Variants in HELQ observed in about 807,000 individuals in gnomAD.
HELQ encodes the protein helicase, POLQ like.
A neutral mutation model predicts 111.6 loss-of-function variants in HELQ; 77 were observed. That is an observed-to-expected ratio of 0.69 (90% CI 0.57 to 0.83). The LOEUF (loss-of-function observed/expected upper bound fraction) is 0.83. Ranked by LOEUF, HELQ falls within the 40% of genes least tolerant of loss-of-function variation. The probability of loss-of-function intolerance (pLI) is 0.00; values close to 1 mark genes in which losing one functional copy is unlikely to be tolerated. For synonymous variants in HELQ, 438 were observed against 454.7 expected, an observed-to-expected ratio of 0.96 and a Z score of 0.47; for missense variants, 1,200 against 1,288.5, an observed-to-expected ratio of 0.93 and a Z score of 1.05.
chr4:83,450,909 T>C (rs958490571), intron 2 of HELQ, among the ~76,000 whole-genome samples: 13 of 152,268 alleles, frequency 8.5e-5, no homozygotes, highest in Admixed American at 7.8e-4. Context: ...GACGCTGTAG[T>C]GAGCCACGAT....
chr4:83,453,426 T>C lies in HELQ; in HGVS notation c.817A>G (p.Met273Val), dbSNP rs770607753. ...GTCTGGGCCTTCGCATTTCCAGTCA[T>C]GGCATTTTTTAGATGATCTTTAATA... ...KSIKDHLKNA[M>V]TGNAKAQTPI... The change falls in exon 2 of 18, where the codon ATG (methionine) becomes GTG (valine). Residue 273 changes from methionine to valine, a missense_variant. Met to Val is a conservative substitution (Grantham distance 21, BLOSUM62 1). Transcript: ENST00000295488. 8 of 1,603,258 alleles carry C rather than the reference T, an allele frequency of 5.0e-6. No individual in the cohort carries two copies. Among genetic ancestry groups the C allele is most frequent in the East Asian group, 2.2e-5 (1 of 44,804 alleles).
intron 10 of HELQ, 95 bp from the exon 11 acceptor site, chr4:83,431,863 G>C: frequency 1.8e-6 from 1 of 558,090 alleles, no homozygotes; most frequent in East Asian, 3.5e-5. Flanking sequence ...ATCTTGTGGA[G>C]CCAGAAGGAG....
At chr4:83,426,863 G>A (rs548713470) in intron 13 of HELQ, among the ~76,000 whole-genome samples, 412 of 152,314 alleles carry the variant, frequency 2.7e-3, no homozygotes, top group Admixed American at 4.4e-3. Context: ...ACCACATGCA[G>A]CCCTAATATA....
intron 15 of HELQ, among the ~76,000 whole-genome samples, chr4:83,419,191 A>C (rs867816297): frequency 4.7e-5 from 7 of 147,420 alleles, no homozygotes; most frequent in Non-Finnish European, 1.0e-4. Flanking sequence ...CTAGCTCATA[A>C]GCTATTGTTA....
At chr4:83,432,306 G>A in intron 9 of HELQ, 39 bp from the exon 10 acceptor site, 1 of 1,411,718 alleles carries the variant, frequency 7.1e-7, no homozygotes, top group Non-Finnish European at 9.3e-7. Flanking sequence ...ACAGCAAACA[G>A]CACCAATTTA....
chr4:83,429,611 G>A lies in HELQ; in HGVS notation c.2431C>T (p.Leu811Phe). ...TTATAAATAGTGTCTTTTTGTAGGA[G>A]TCCTTTTTCTGTCAGGTATCTAAGT... ...ESLRYLTEKGLLQKDTIYKSE... is the reference protein window; with the variant it reads ...ESLRYLTEKGFLQKDTIYKSE... The change falls in exon 12 of 18, where the codon CTC (leucine) becomes TTC (phenylalanine). Residue 811 changes from leucine to phenylalanine, a missense_variant. Physicochemically the swap from Leu to Phe is conservative, Grantham distance 22 (BLOSUM62 0). This residue lies in a region of HELQ where 585 missense variants were observed against 665.3 expected (regional missense o/e 0.88). Coordinates refer to ENST00000295488, the MANE Select transcript of HELQ (RefSeq NM_133636.5). The A allele has an allele frequency of 6.2e-7, 1 of 1,612,476 alleles. No individual in the cohort carries two copies. The highest frequency in any genetic ancestry group is 8.5e-7 in the Non-Finnish European group (1 of 1,178,784).
Position 83,443,586 on chromosome 4 carries a change from T to G in HELQ, c.1494A>C (p.Ala498=). The G allele has an allele frequency of 1.3e-6, 2 of 1,582,532 alleles. No individual in the cohort carries two copies. The highest frequency in any genetic ancestry group is 1.1e-5 in the South Asian group (1 of 88,584). The change falls in exon 6 of 18, where the codon GCA becomes GCC. Residue 498 remains alanine (A), a synonymous_variant. Transcript: ENST00000295488. ...SKTTQIIGMS[A]TLNNVEDLQK... is the part of the protein sequence containing the mutation. ...GTAGGTCTTCAACATTGTTTAATGT[T>G]GCACTCATACCAATAATTTGAGTCG... is the stretch of plus-strand genomic sequence containing the variant.
chr4:83,429,803 A>T, intron 11 of HELQ, 57 bp from the exon 12 acceptor site: 4 of 1,030,202 alleles, frequency 3.9e-6, no homozygotes, highest in Admixed American at 2.2e-5. Flanking sequence ...CATCACCTTG[A>T]ATGCATATTA....
chr4:83,430,392 C>T (rs1355664606), intron 11 of HELQ, among the ~76,000 whole-genome samples: 3 of 152,100 alleles, frequency 2.0e-5, no homozygotes, highest in Admixed American at 2.0e-4. Flanking sequence ...AATAGTTGAT[C>T]TCTACCTATT....
chr4:83,442,986 C>T (rs1228228646), intron 6 of HELQ, among the ~76,000 whole-genome samples: 1 of 152,116 alleles, frequency 6.6e-6, no homozygotes, highest in African/African-American at 2.4e-5. Flanking sequence ...ACATTACAAG[C>T]TATTTTCAAA....
At position 83,421,606 on chromosome 4, in the gene HELQ, G is replaced by A. The variant is rs762361423; in HGVS notation, c.2906C>T (p.Thr969Ile). 5.0e-6 allele frequency: 8 copies of A among 1,613,530 alleles called. No homozygotes were observed. The East Asian group carries it at 1.8e-4, about 36-fold the overall frequency. Reference sequence around the variant, plus strand: ...ACAAGATGAGAATGAGGCAGTTCCAGTGAGAAGATTTTGTATATATCCTCG... The same window carrying A: ...ACAAGATGAGAATGAGGCAGTTCCAATGAGAAGATTTTGTATATATCCTCG... ...MPRGYIQNLLTGTASFSSCVL... is the reference protein window; with the variant it reads ...MPRGYIQNLLIGTASFSSCVL... Residue 969 changes from threonine (T) to isoleucine (I), a missense_variant, in exon 15 of 18, where the codon ACT (threonine) becomes ATT (isoleucine). Physicochemically the swap from Thr to Ile is moderately conservative, Grantham distance 89. Coordinates refer to ENST00000295488, the MANE Select transcript of HELQ (RefSeq NM_133636.5).
chr4:83,424,275 T>C (rs961927662), intron 14 of HELQ, among the ~76,000 whole-genome samples: 11 of 152,216 alleles, frequency 7.2e-5, no homozygotes, highest in African/African-American at 2.7e-4. Flanking sequence ...AATGATATTG[T>C]TTTTATTTTA....
At chr4:83,416,124 T>C (rs567500239) in intron 17 of HELQ, among the ~76,000 whole-genome samples, 1 of 150,572 alleles carries the variant, frequency 6.6e-6, no homozygotes, top group Non-Finnish European at 1.5e-5. Flanking sequence ...ATTTTTGTAT[T>C]TTTAGTGGAG....
In HELQ at chr4:83,455,798, T is replaced by C. The variant is rs1228523872; in HGVS notation, c.-105A>G. On this transcript the variant is annotated 5_prime_UTR_variant, in exon 1 of 18. Transcript: ENST00000295488. ...CCGGAGCCCGCTTCTACATCCACCT[T>C]GGGAAAAGACCCCAAGTTAGCTCTC... 3.4e-6 allele frequency: 4 copies of C among 1,163,230 alleles called. No individual in the cohort carries two copies. The highest frequency in any genetic ancestry group is 4.9e-6 in the Non-Finnish European group (4 of 816,042). 72.1% of individuals were successfully genotyped at this position (1,163,230 alleles called of 1,614,324 possible). A position where few individuals can be genotyped will look rare whatever the true frequency, so the allele number is the denominator to read the frequency against.
At chr4:83,434,664 A>C (rs1166983285) in intron 9 of HELQ, among the ~76,000 whole-genome samples, 3 of 151,874 alleles carry the variant, frequency 2.0e-5, no homozygotes, top group African/African-American at 7.3e-5. Flanking sequence ...AGGTCTTGCT[A>C]TGTTGTCCAG....
chr4:83,445,403 C>T (rs1352613294), intron 5 of HELQ, among the ~76,000 whole-genome samples: 2 of 152,014 alleles, frequency 1.3e-5, no homozygotes, highest in South Asian at 2.1e-4. Context: ...TTTTTAAATA[C>T]TTTTTAAGAT....
chr4:83,446,244 G>A (rs189579291), intron 4 of HELQ, among the ~76,000 whole-genome samples, 158 bp from the exon 5 acceptor site: 1 of 152,154 alleles, frequency 6.6e-6, no homozygotes, highest in Admixed American at 6.5e-5. Flanking sequence ...TTATTTCACT[G>A]GTATTTAGGT....
At chr4:83,433,943 T>G (rs191848057) in intron 9 of HELQ, among the ~76,000 whole-genome samples, 129 of 133,956 alleles carry the variant, frequency 9.6e-4, no homozygotes, top group Non-Finnish European at 1.2e-3. Context: ...ATCATGCCAC[T>G]GCACTCCAAC....
chr4:83,444,441 C>T (rs1720945178), intron 5 of HELQ, among the ~76,000 whole-genome samples: 1 of 152,056 alleles, frequency 6.6e-6, no homozygotes, highest in South Asian at 2.1e-4. Flanking sequence ...AGTGCAGTGG[C>T]ATGATCTCGG....
Sources: allele counts gnomAD v4.1 joint callset (sites outside exome capture counted in the v4.1 genomes callset), GRCh38; gene constraint gnomAD v4.1.1; regional missense constraint gnomAD v4.1.1; transcripts MANE v1.5; gene names NCBI Gene and HGNC (gene_info 2026-07-23, HGNC 2026-07-21).